Variants in KIF4A observed in about 807,000 individuals in gnomAD.
The protein encoded by KIF4A is kinesin family member 4A.
Under a neutral mutation model 105.9 loss-of-function variants are expected in KIF4A, and 7 were observed. That is an observed-to-expected ratio of 0.07 (90% CI 0.04 to 0.12). The LOEUF (loss-of-function observed/expected upper bound fraction) is 0.12. Among genes scored for constraint, KIF4A ranks in the 10% least tolerant of loss-of-function variants. KIF4A has a pLI of 1.00. For missense variants in KIF4A, 558 were observed against 929.2 expected (o/e 0.60, Z 5.19); for synonymous variants, 281 against 331.3 (o/e 0.85, Z 1.65).
intron 22 of KIF4A, 138 bp downstream of exon 22, chrX:70,396,187 G>A (rs1225725293): frequency 2.3e-6 from 1 of 429,624 alleles, no homozygotes; most frequent in Admixed American, 4.2e-5. Context: ...ACCAGACACT[G>A]TACTAGGTAT....
intron 22 of KIF4A, among the ~76,000 whole-genome samples, chrX:70,402,117 A>C (rs1258526752): frequency 9.0e-6 from 1 of 111,729 alleles, no homozygotes; most frequent in Non-Finnish European, 1.9e-5. Context: ...CATGGGTATC[A>C]TTTTGGTACT....
At chrX:70,292,378 T>C (rs774041615) in intron 3 of KIF4A, among the ~76,000 whole-genome samples, 107 of 112,595 alleles carry the variant, frequency 9.5e-4, no homozygotes, top group African/African-American at 3.3e-3. Flanking sequence ...TTGACTTTTA[T>C]GAGTTTGACA....
rs963786910 is a variant in KIF4A, at chrX:70,343,332, G to GT, written c.1267-363dup. ...TTTGTTTTTTGTCTTTTTTTTGTTT[G>GT]TTTTTTTTGTTTGTTTGTTTTGCAA... is the stretch of plus-strand genomic sequence containing the variant. On this transcript the variant is annotated intron_variant, in intron 11 of 30. Coordinates refer to ENST00000374403, the MANE Select transcript of KIF4A (RefSeq NM_012310.5). 2.5e-4 allele frequency among the ~76,000 whole-genome samples: 27 copies of GT among 109,784 alleles called. 1 individual carries two copies. The highest frequency in any genetic ancestry group is 4.6e-3 in the Middle Eastern group (1 of 218).
chrX:70,335,854 A>G (rs2085948312), intron 10 of KIF4A, among the ~76,000 whole-genome samples: 1 of 111,588 alleles, frequency 9.0e-6, no homozygotes, highest in Non-Finnish European at 1.9e-5. Context: ...AATTTTTTTC[A>G]AAAAGGAAAA....
rs773342555 is a variant in KIF4A, at chrX:70,297,220, C to G, written c.426+32C>G. 3.5e-6 allele frequency: 4 copies of G among 1,136,660 alleles called. No homozygotes were observed. The South Asian group carries it at 7.9e-5, about 23-fold the overall frequency. The allele number at this position is 1,136,660 out of a possible 1,213,427, so 93.7% of individuals were successfully genotyped here. A position where few individuals can be genotyped will look rare whatever the true frequency, so the allele number is the denominator to read the frequency against. ...AATTTATGTTTAATTATTCTGAATT[C>G]GAAATTGTCTTTGGGTCGAAAAATA... On this transcript the variant is annotated intron_variant, in intron 4 of 30. Transcript: ENST00000374403.
chrX:70,331,784 G>A (rs1769294306), intron 9 of KIF4A, among the ~76,000 whole-genome samples: 1 of 112,298 alleles, frequency 8.9e-6, no homozygotes. Flanking sequence ...TTTAAGCCAG[G>A]TAGTAACTTG....
chrX:70,384,903 G>C (rs1404769236), intron 18 of KIF4A, among the ~76,000 whole-genome samples: 1 of 105,449 alleles, frequency 9.5e-6, no homozygotes, highest in Non-Finnish European at 1.9e-5. Flanking sequence ...TGCAACATCT[G>C]CCTCCTGGGT....
At position 70,396,102 on chromosome X, in the gene KIF4A, A is replaced by G. The variant is rs1053550267; in HGVS notation, c.2489+53A>G. On this transcript the variant is annotated intron_variant, in intron 22 of 30. Transcript: ENST00000374403. ...TAAAAATTTATGCCTGGAATCAAAA[A>G]TTGAACCTATTAATCTAGTGATTCA... 29 of 865,300 alleles carry G rather than the reference A, an allele frequency of 3.4e-5. No individual in the cohort carries two copies. The African/African-American group carries it at 4.9e-4, about 14-fold the overall frequency. 71.3% of individuals were successfully genotyped at this position (865,300 alleles called of 1,213,427 possible).
At chrX:70,333,284 C>T (rs1310171785) in intron 9 of KIF4A, among the ~76,000 whole-genome samples, 1 of 102,675 alleles carries the variant, frequency 9.7e-6, no homozygotes, top group Non-Finnish European at 2.0e-5. Flanking sequence ...AGTGCCACTG[C>T]ACTCCACCCT....
chrX:70,393,905 G>A (rs1328924229), intron 20 of KIF4A, among the ~76,000 whole-genome samples: 1 of 71,068 alleles, frequency 1.4e-5, no homozygotes, highest in Non-Finnish European at 2.5e-5. Flanking sequence ...TTGCTCTGTT[G>A]CCCAGGCTGA....
chrX:70,409,728 T>C (rs937333580), intron 28 of KIF4A, among the ~76,000 whole-genome samples: 1 of 96,831 alleles, frequency 1.0e-5, no homozygotes, highest in African/African-American at 4.0e-5. Context: ...ACCCAGGAGG[T>C]GGAGATGGCA....
intron 3 of KIF4A, among the ~76,000 whole-genome samples, chrX:70,295,595 C>T (rs2085778972): frequency 9.0e-6 from 1 of 110,905 alleles, no homozygotes; most frequent in African/African-American, 3.3e-5. Flanking sequence ...TTAAAAAATA[C>T]AAACGGGGGA....
intron 28 of KIF4A, among the ~76,000 whole-genome samples, chrX:70,413,756 C>T (rs996631723): frequency 1.8e-5 from 2 of 110,595 alleles, no homozygotes; most frequent in African/African-American, 6.6e-5. Context: ...GGCTGGGCAA[C>T]GTAGCGAGAC....
At chrX:70,290,619 G>A (rs771593121) in intron 2 of KIF4A, 41 bp downstream of exon 2, 1 of 1,206,571 alleles carries the variant, frequency 8.3e-7, no homozygotes, top group East Asian at 3.0e-5. Context: ...AACAGCTGGG[G>A]CCAAATGGTA....
At chrX:70,314,851 T>C (rs1403514521) in intron 7 of KIF4A, among the ~76,000 whole-genome samples, 2 of 111,161 alleles carry the variant, frequency 1.8e-5, no homozygotes, top group East Asian at 5.6e-4. Flanking sequence ...ACCTGTGTCA[T>C]ATGCTTCAGT....
chrX:70,344,905 G>A (rs2085986369), intron 13 of KIF4A, among the ~76,000 whole-genome samples: 1 of 111,840 alleles, frequency 8.9e-6, no homozygotes, highest in Non-Finnish European at 1.9e-5. Flanking sequence ...TGTTATGATG[G>A]CCAGCTCTAA....
chrX:70,352,623 T>C lies in KIF4A; in HGVS notation c.1455T>C (p.Ala485=). 2 of 1,205,504 alleles carry C rather than the reference T, an allele frequency of 1.7e-6. No homozygotes were observed. Among genetic ancestry groups the C allele is most frequent in the Non-Finnish European group, 2.2e-6 (2 of 890,508 alleles). Residue 485 remains alanine (A), a synonymous_variant, in exon 14 of 31, where the codon GCT becomes GCC. Transcript: ENST00000374403. The part of the protein sequence containing the change: ...QLSDETVACM[A]AAIDTAVEQE... ...AGGATGAAACTGTTGCTTGCATGGC[T>C]GCAGCCATTGATACTGCGGTGGAGC... is the stretch of plus-strand genomic sequence containing the variant.
intron 20 of KIF4A, among the ~76,000 whole-genome samples, chrX:70,389,517 G>A (rs191086946): frequency 1.8e-5 from 2 of 112,333 alleles, no homozygotes; most frequent in Non-Finnish European, 3.8e-5. Flanking sequence ...GCAGTGAGCC[G>A]AGATCGTTCC....
chrX:70,372,629 C>A (rs781491567), intron 15 of KIF4A, among the ~76,000 whole-genome samples: 1 of 112,961 alleles, frequency 8.9e-6, no homozygotes, highest in Non-Finnish European at 1.9e-5. Context: ...AGAGGGAGAC[C>A]GTGGAAAGAG....
Sources: gnomAD v4.1 joint callset for allele counts (sites outside exome capture counted in the v4.1 genomes callset) on GRCh38, gnomAD v4.1.1 for gene constraint, MANE v1.5 for transcripts, NCBI Gene and HGNC (gene_info 2026-07-23, HGNC 2026-07-21) for gene names.